YEATS2: variants seen among roughly 807,000 people sequenced by gnomAD.
YEATS2 encodes the protein YEATS domain-containing protein 2.
YEATS2 carries 77 observed loss-of-function variants against 163.2 expected under a neutral mutation model. That is an observed-to-expected ratio of 0.47 (90% CI 0.39 to 0.57). The LOEUF is 0.57. Ranked by LOEUF, YEATS2 falls within the 20% of genes least tolerant of loss-of-function variation. The pLI is 0.00. For synonymous variants in YEATS2, 631 were observed against 645.1 expected (o/e 0.98, Z 0.33); for missense variants, 1,549 against 1,729.8 (o/e 0.90, Z 1.85).
intron 26 of YEATS2, 157 bp from the exon 27 acceptor site, chr3:183,803,828 CTT>C (rs3214844): frequency 1.0e-4 from 61 of 586,654 alleles, no homozygotes; most frequent in Non-Finnish European, 1.5e-4. Flanking sequence ...GGAAGTTCGA[CTT>C]TTTTTTTTAA....
chr3:183,729,243 G>T (rs1038210583), intron 7 of YEATS2, among the ~76,000 whole-genome samples: 1 of 151,268 alleles, frequency 6.6e-6, no homozygotes, highest in Non-Finnish European at 1.5e-5. Flanking sequence ...CTGCACTCCA[G>T]CCTGGGCGAC....
rs780530333 is a variant in YEATS2 at position 183,806,933 on chromosome 3, GA to G, written c.3856del (p.Arg1286GlyfsTer18). 2 of 1,614,108 alleles carry G rather than the reference GA, an allele frequency of 1.2e-6. No individual in the cohort carries two copies. The highest frequency in any genetic ancestry group is 3.3e-5 in the Admixed American group (2 of 59,998). On this transcript the variant is annotated frameshift_variant, in exon 28 of 31. Transcript: ENST00000305135. LOFTEE classifies it high-confidence loss of function. ...RKLEDLQQFQ[K>X]REPENEEEVD... ...AACTGGAGGACCTGCAACAGTTCCA[GA>G]AAAGGGAACCCGAGAATGAGGAGGA...
At chr3:183,802,519 A>ATATATAGATACACGTG in intron 25 of YEATS2, 1 of 62,366 alleles carries the variant, frequency 1.6e-5, no homozygotes, top group African/African-American at 4.5e-5. Flanking sequence ...GTATACATGT[A>ATATATAGATACACGTG]TATATATATA....
chr3:183,760,352 G>T (rs1001268707), intron 13 of YEATS2, among the ~76,000 whole-genome samples: 1 of 116,024 alleles, frequency 8.6e-6, no homozygotes, highest in Non-Finnish European at 1.6e-5. Context: ...ACAGAGTTTC[G>T]CTCTCGTTGC....
chr3:183,701,736 TAAAA>T (rs1714115118), intron 1 of YEATS2, among the ~76,000 whole-genome samples: 1 of 152,100 alleles, frequency 6.6e-6, no homozygotes, highest in African/African-American at 2.4e-5. Flanking sequence ...ATATTTCAAT[TAAAA>T]AAGTATATCC....
chr3:183,708,224 C>T (rs979173080), intron 1 of YEATS2, among the ~76,000 whole-genome samples: 3 of 146,422 alleles, frequency 2.0e-5, no homozygotes, highest in African/African-American at 7.6e-5. Flanking sequence ...TGCAGTGGCA[C>T]GATCTCGGCT....
chr3:183,778,436 A>G (rs999873809), intron 19 of YEATS2, among the ~76,000 whole-genome samples: 1 of 152,240 alleles, frequency 6.6e-6, no homozygotes, highest in African/African-American at 2.4e-5. Context: ...TTCACGTGGA[A>G]GATCCAGAAT....
At chr3:183,757,748 G>A (rs535164405) in intron 12 of YEATS2, among the ~76,000 whole-genome samples, 5 of 150,610 alleles carry the variant, frequency 3.3e-5, no homozygotes, top group African/African-American at 1.2e-4. Flanking sequence ...ACACATGAAT[G>A]TATGTTGGGC....
chr3:183,806,911 T>C lies in YEATS2; in HGVS notation c.3830T>C (p.Leu1277Pro). 1.2e-6 allele frequency: 2 copies of C among 1,613,886 alleles called. No homozygotes were observed. The highest frequency in any genetic ancestry group is 1.7e-6 in the Non-Finnish European group (2 of 1,179,936). ...FSSADNLCRK[L>P]EDLQQFQKRE... is the part of the protein sequence containing the mutation. Reference sequence around the variant, plus strand: ...TCTGCTGACAACCTCTGCCGCAAACTGGAGGACCTGCAACAGTTCCAGAAA... The same window carrying C: ...TCTGCTGACAACCTCTGCCGCAAACCGGAGGACCTGCAACAGTTCCAGAAA... The change falls in exon 28 of 31, where the codon CTG becomes CCG. Residue 1277 changes from leucine to proline, a missense_variant. Transcript: ENST00000305135.
chr3:183,722,061 T>C lies in YEATS2; in HGVS notation c.462T>C (p.Asp154=). Reference sequence around the variant, plus strand: ...ACAATGACTTCTTATCTGACAAAGATAATAACAGCAATATGGATATAGAGG... The same window carrying C: ...ACAATGACTTCTTATCTGACAAAGACAATAACAGCAATATGGATATAGAGG... ...SQHNDFLSDK[D]NNSNMDIEER... The change falls in exon 5 of 31, where the codon GAT becomes GAC. Residue 154 remains aspartate (D), a synonymous_variant. Coordinates refer to ENST00000305135, the MANE Select transcript of YEATS2 (RefSeq NM_018023.5). 1 of 1,614,062 alleles carries C rather than the reference T, an allele frequency of 6.2e-7. No individual in the cohort carries two copies. The highest frequency in any genetic ancestry group is 8.5e-7 in the Non-Finnish European group (1 of 1,180,004).
chr3:183,754,480 T>C (rs1051760889), intron 11 of YEATS2, 115 bp downstream of exon 11: 29 of 1,375,038 alleles, frequency 2.1e-5, no homozygotes, highest in Admixed American at 7.6e-5. Flanking sequence ...AGCAGTGTTA[T>C]GTTTAACAAA....
intron 1 of YEATS2, among the ~76,000 whole-genome samples, chr3:183,714,252 G>A (rs1029554304): frequency 6.7e-6 from 1 of 149,332 alleles, no homozygotes; most frequent in Non-Finnish European, 1.5e-5. Context: ...CTGGAGTGCA[G>A]TGGCGCGATC....
chr3:183,737,686 A>G (rs993104935), intron 8 of YEATS2, among the ~76,000 whole-genome samples: 3 of 152,238 alleles, frequency 2.0e-5, no homozygotes, highest in Non-Finnish European at 2.9e-5. Context: ...ATGCTTTTGT[A>G]TTGTAAGAAA....
intron 15 of YEATS2, among the ~76,000 whole-genome samples, chr3:183,771,597 CT>C (rs1722481622): frequency 8.0e-6 from 1 of 125,374 alleles, no homozygotes; most frequent in African/African-American, 3.1e-5. Context: ...GTCACCCAGG[CT>C]GGAGGGCAGT....
chr3:183,724,221 G>A lies in YEATS2; in HGVS notation c.538-198G>A, dbSNP rs550571593. 5.3e-5 allele frequency among the ~76,000 whole-genome samples: 8 copies of A among 152,240 alleles called. No individual in the cohort carries two copies. The South Asian group carries it at 6.2e-4, about 12-fold the overall frequency. On this transcript the variant is annotated intron_variant, in intron 5 of 30. Coordinates refer to ENST00000305135, the MANE Select transcript of YEATS2 (RefSeq NM_018023.5). ...TATTAAAAACACACCGGGAGTTACA[G>A]TATATAAACTTTGTATAAATTAAGG...
intron 8 of YEATS2, among the ~76,000 whole-genome samples, chr3:183,745,841 G>A (rs563807486): frequency 1.9e-4 from 29 of 152,038 alleles, no homozygotes; most frequent in African/African-American, 6.7e-4. Flanking sequence ...TGTTTTGTTT[G>A]TTTGTTTTGA....
chr3:183,782,533 C>T (rs1322340827), intron 19 of YEATS2, among the ~76,000 whole-genome samples: 1 of 152,072 alleles, frequency 6.6e-6, no homozygotes, highest in Admixed American at 6.5e-5. Context: ...AAGTGATTCT[C>T]CTGCCTCAGC....
At chr3:183,718,412 T>G in intron 3 of YEATS2, 88 bp from the exon 4 acceptor site, 1 of 884,040 alleles carries the variant, frequency 1.1e-6, no homozygotes, top group Non-Finnish European at 1.7e-6. Flanking sequence ...TTTTTTTCAC[T>G]CATTCACGTT....
intron 5 of YEATS2, 81 bp downstream of exon 5, chr3:183,722,217 G>C (rs764411145): frequency 5.6e-6 from 8 of 1,421,034 alleles, no homozygotes; most frequent in Non-Finnish European, 7.5e-6. Flanking sequence ...TTATCTCACT[G>C]AACTGTCACA....
Sources: allele counts gnomAD v4.1 joint callset (sites outside exome capture counted in the v4.1 genomes callset), GRCh38; gene constraint gnomAD v4.1.1; transcripts MANE v1.5; gene names NCBI Gene and HGNC (gene_info 2026-07-23, HGNC 2026-07-21).